The following TMPRSS15 variants were observed in gnomAD, a reference collection of about 807,000 sequenced individuals.
TMPRSS15 encodes the protein enteropeptidase.
In TMPRSS15, 128 loss-of-function variants were observed where a neutral mutation model predicts 125.3. The observed-to-expected ratio is 1.02, with a 90% CI of 0.89 to 1.18. The LOEUF is 1.18. Among genes scored for constraint, TMPRSS15 ranks in the 50% most tolerant of loss-of-function variants. TMPRSS15 has a pLI of 0.00. For missense variants in TMPRSS15, 1,283 were observed against 1,212.7 expected (o/e 1.06, Z -0.86); for synonymous variants, 446 against 423.2 (o/e 1.05, Z -0.66).
intron 1 of TMPRSS15, among the ~76,000 whole-genome samples, chr21:18,426,490 C>T (rs1398933622): frequency 6.6e-6 from 1 of 152,120 alleles, no homozygotes; most frequent in Non-Finnish European, 1.5e-5. Flanking sequence ...GATATGTCAA[C>T]AAAATATAAA....
intron 3 of TMPRSS15, among the ~76,000 whole-genome samples, chr21:18,392,543 A>G (rs1230848267): frequency 6.6e-6 from 1 of 151,156 alleles, no homozygotes; most frequent in African/African-American, 2.4e-5. Flanking sequence ...CTCTGAGAAG[A>G]CTCCTTCCCG....
intron 1 of TMPRSS15, among the ~76,000 whole-genome samples, chr21:18,462,789 T>A (rs939109244): frequency 4.0e-5 from 6 of 151,468 alleles, no homozygotes; most frequent in Admixed American, 2.6e-4. Context: ...GAAAAAAAAA[T>A]TTTAAGGGCA....
intron 15 of TMPRSS15, among the ~76,000 whole-genome samples, chr21:18,327,427 T>C (rs73194628): frequency 0.18 from 27,890 of 152,092 alleles, 2,787 homozygotes; most frequent in East Asian, 0.38. Flanking sequence ...GCCACTCTTC[T>C]AGTCCCAACA....
intron 17 of TMPRSS15, among the ~76,000 whole-genome samples, chr21:18,313,439 T>C (rs1601318811): frequency 1.3e-5 from 2 of 151,016 alleles, no homozygotes; most frequent in East Asian, 3.9e-4. Flanking sequence ...ATATATTATA[T>C]ATAATAACAT....
chr21:18,403,315 A>G (rs909370014), intron 1 of TMPRSS15, among the ~76,000 whole-genome samples, 163 bp downstream of exon 1: 1 of 152,238 alleles, frequency 6.6e-6, no homozygotes, highest in Non-Finnish European at 1.5e-5. Flanking sequence ...ACATGAAGGC[A>G]ACATAAATAT....
At chr21:18,359,160 G>A (rs1312510021) in intron 8 of TMPRSS15, among the ~76,000 whole-genome samples, 1 of 151,932 alleles carries the variant, frequency 6.6e-6, no homozygotes, top group Non-Finnish European at 1.5e-5. Context: ...GGAATAAAGG[G>A]GCATGAATAG....
intron 3 of TMPRSS15, among the ~76,000 whole-genome samples, chr21:18,384,943 T>C (rs1365213946): frequency 1.3e-5 from 2 of 152,170 alleles, no homozygotes; most frequent in African/African-American, 4.8e-5. Context: ...AGAACTAGAA[T>C]ATTCCTGAAA....
intron 3 of TMPRSS15, among the ~76,000 whole-genome samples, chr21:18,393,606 A>G (rs1221337298): frequency 6.6e-6 from 1 of 152,180 alleles, no homozygotes; most frequent in Non-Finnish European, 1.5e-5. Context: ...ACTATCACAC[A>G]AACTGTATAT....
At position 18,464,800 on chromosome 21, in the gene TMPRSS15, G is replaced by A. The variant is rs2122954913; in HGVS notation, c.10+20999C>T. On this transcript the variant is annotated intron_variant, in intron 1 of 7. Transcript: ENST00000422787. ...ACCAACCAAAAAAAGCCCAGGACCA[G>A]ATGGATTCACAGCCAATTTCTACCA... Among the ~76,000 whole-genome samples, 32 of 152,296 alleles carry A rather than the reference G, an allele frequency of 2.1e-4. No individual in the cohort carries two copies. In the South Asian group the frequency reaches 6.6e-3, roughly 32 times the overall value.
At position 18,353,974 on chromosome 21, in the gene TMPRSS15, T is replaced by C. The variant is rs539721921; in HGVS notation, c.881-111A>G. 1.9e-5 allele frequency: 18 copies of C among 961,758 alleles called. No individual in the cohort carries two copies. In the South Asian group the frequency reaches 2.3e-4, roughly 12 times the overall value. The allele number at this position is 961,758 out of a possible 1,614,324, so 59.6% of individuals were successfully genotyped here. On this transcript the variant is annotated intron_variant, in intron 8 of 24. Transcript: ENST00000284885. ...CAGTTTGTCAGTTGATCTATACAAATATCTATCTGATACCACTTAGTTAAC... is the reference window on the plus strand; with the variant it reads ...CAGTTTGTCAGTTGATCTATACAAACATCTATCTGATACCACTTAGTTAAC...
chr21:18,312,256 C>T (rs927596497), intron 18 of TMPRSS15, among the ~76,000 whole-genome samples: 7 of 151,734 alleles, frequency 4.6e-5, no homozygotes, highest in African/African-American at 1.7e-4. Context: ...ACTTTTAAGA[C>T]TTGATGGGAA....
chr21:18,385,479 A>C (rs1569048231), intron 3 of TMPRSS15, among the ~76,000 whole-genome samples: 1 of 152,182 alleles, frequency 6.6e-6, no homozygotes. Flanking sequence ...GGGAAGACTA[A>C]TGGAAACTTC....
chr21:18,284,262 C>T (rs1332435730), intron 21 of TMPRSS15, among the ~76,000 whole-genome samples: 1 of 152,196 alleles, frequency 6.6e-6, no homozygotes, highest in Non-Finnish European at 1.5e-5. Context: ...ACCACCAGTA[C>T]TACTCCATCT....
chr21:18,453,493 G>T (rs934449164), intron 1 of TMPRSS15, among the ~76,000 whole-genome samples: 2 of 152,180 alleles, frequency 1.3e-5, no homozygotes, highest in Admixed American at 6.5e-5. Context: ...TACAAAATCT[G>T]CAGGGTACAC....
intron 23 of TMPRSS15, among the ~76,000 whole-genome samples, chr21:18,276,811 GT>G (rs943598329): frequency 1.4e-5 from 2 of 147,188 alleles, no homozygotes; most frequent in African/African-American, 5.0e-5. Flanking sequence ...CCAGGCTGGA[GT>G]GCAATGGCGC....
chr21:18,387,024 T>G (rs921299258), intron 3 of TMPRSS15, among the ~76,000 whole-genome samples: 13 of 152,198 alleles, frequency 8.5e-5, no homozygotes, highest in African/African-American at 3.1e-4. Flanking sequence ...AATTTATACT[T>G]TGCAAGGATA....
rs1027265511 is a variant in TMPRSS15, at chr21:18,351,728, A to G, written c.1171+1175T>C. On this transcript the variant is annotated intron_variant, in intron 10 of 24. Transcript: ENST00000284885. Reference sequence around the variant, plus strand: ...TTTCTTTATGGCAGTGTGAAAATGGACTAATACATGCCCTATTAATTCAAA... The same window carrying G: ...TTTCTTTATGGCAGTGTGAAAATGGGCTAATACATGCCCTATTAATTCAAA... Among the ~76,000 whole-genome samples, 101 of 152,298 alleles carry G rather than the reference A, an allele frequency of 6.6e-4. 6 individuals carry two copies. The highest frequency in any genetic ancestry group is 1.6e-4 in the Non-Finnish European group (11 of 68,018).
intron 3 of TMPRSS15, among the ~76,000 whole-genome samples, chr21:18,393,911 T>C (rs556561535): frequency 6.6e-6 from 1 of 152,300 alleles, no homozygotes; most frequent in African/African-American, 2.4e-5. Context: ...TTGAATGAGC[T>C]CTTTAATAAA....
At chr21:18,357,128 C>T (rs2075632668) in intron 8 of TMPRSS15, among the ~76,000 whole-genome samples, 1 of 151,802 alleles carries the variant, frequency 6.6e-6, no homozygotes, top group Non-Finnish European at 1.5e-5. Context: ...ATTTTTGTGA[C>T]CACTAAATTA....
Sources: gnomAD v4.1 joint callset for allele counts (sites outside exome capture counted in the v4.1 genomes callset) on GRCh38, gnomAD v4.1.1 for gene constraint, MANE v1.5 for transcripts, NCBI Gene and HGNC (gene_info 2026-07-23, HGNC 2026-07-21) for gene names.